RYR2: variants seen among roughly 807,000 people sequenced by gnomAD.
The protein encoded by RYR2 is cardiac muscle ryanodine receptor-calcium release channel.
RYR2 carries 227 observed loss-of-function variants against 601.1 expected under a neutral mutation model. The ratio of observed to expected loss-of-function variants is 0.38; its 90% CI spans 0.34 to 0.42. The LOEUF is 0.42. RYR2 is among the 10% of genes least tolerant of loss of function. The pLI is 1.00. For missense variants in RYR2, 4,646 were observed against 6,156.5 expected (o/e 0.75, Z 8.21); for synonymous variants, 2,223 against 2,175.1 (o/e 1.02, Z -0.61).
At chr1:237,402,903 T>TG (rs1703512662) in intron 10 of RYR2, among the ~76,000 whole-genome samples, 7 of 149,038 alleles carry the variant, frequency 4.7e-5, no homozygotes, top group South Asian at 2.1e-4. Context: ...TGCTTCAGCC[T>TG]CCTGTCTCCA....
chr1:237,402,541 A>G (rs1161391205), intron 10 of RYR2, among the ~76,000 whole-genome samples: 1 of 152,236 alleles, frequency 6.6e-6, no homozygotes, highest in Non-Finnish European at 1.5e-5. Context: ...CAATGGATAG[A>G]TTTAATATCA....
intron 96 of RYR2, among the ~76,000 whole-genome samples, chr1:237,795,873 T>TATATGTATATGTATATATATATATATAC (rs140571706): frequency 2.8e-5 from 4 of 140,910 alleles, no homozygotes; most frequent in East Asian, 2.1e-4. Context: ...TATATATATA[T>TATATGTATATGTATATATATATATATAC]ACACATATAT....
intron 29 of RYR2, among the ~76,000 whole-genome samples, chr1:237,581,244 G>A (rs1673888422): frequency 6.6e-6 from 1 of 152,170 alleles, no homozygotes; most frequent in African/African-American, 2.4e-5. Context: ...CGTATCTTGT[G>A]TTGTCCATTT....
At chr1:237,044,132 T>A (rs1013030766) in intron 1 of RYR2, among the ~76,000 whole-genome samples, 3 of 152,178 alleles carry the variant, frequency 2.0e-5, no homozygotes, top group African/African-American at 7.2e-5. Context: ...GGTCACGGTG[T>A]ATAAACCTGC....
chr1:237,527,098 G>C (rs1325171912), intron 24 of RYR2, among the ~76,000 whole-genome samples: 1 of 152,138 alleles, frequency 6.6e-6, no homozygotes, highest in East Asian at 1.9e-4. Flanking sequence ...CTTTGTCAAA[G>C]ATCAGTTGGT....
Position 237,348,018 on chromosome 1 carries a change from G to A in RYR2, c.274-7947G>A, listed in dbSNP as rs570364582. On this transcript the variant is annotated intron_variant, in intron 3 of 104. Transcript: ENST00000366574. Reference sequence around the variant, plus strand: ...TTTGGGCAGAGATTAAGGCAGAGGAGCCTGCAAAGTTTATGTAATCTCTGG... The same window carrying A: ...TTTGGGCAGAGATTAAGGCAGAGGAACCTGCAAAGTTTATGTAATCTCTGG... Among the ~76,000 whole-genome samples, 10 of 152,290 alleles carry A rather than the reference G, an allele frequency of 6.6e-5. No individual in the cohort carries two copies. In the South Asian group the frequency reaches 2.1e-3, roughly 32 times the overall value.
chr1:237,219,489 C>A (rs919026922), intron 1 of RYR2, among the ~76,000 whole-genome samples: 10 of 152,138 alleles, frequency 6.6e-5, no homozygotes, highest in Non-Finnish European at 1.2e-4. Context: ...CCGGAGACGT[C>A]TACTTAAGTC....
intron 63 of RYR2, among the ~76,000 whole-genome samples, chr1:237,687,718 G>A (rs906382310): frequency 2.6e-5 from 4 of 152,076 alleles, no homozygotes; most frequent in African/African-American, 9.7e-5. Context: ...CTAGTCCAAA[G>A]CATAACTGAA....
chr1:237,237,487 T>C (rs574712874), intron 1 of RYR2, among the ~76,000 whole-genome samples: 8 of 152,284 alleles, frequency 5.3e-5, no homozygotes, highest in Admixed American at 4.6e-4. Context: ...TACACTCTCC[T>C]CCCTTTGGAA....
chr1:237,375,754 T>C (rs1221508451), intron 7 of RYR2, among the ~76,000 whole-genome samples: 1 of 152,204 alleles, frequency 6.6e-6, no homozygotes, highest in East Asian at 1.9e-4. Context: ...GTATTTTTGC[T>C]AGTTTTTTAG....
chr1:237,278,195 C>T (rs1398189172), intron 2 of RYR2, among the ~76,000 whole-genome samples: 1 of 150,892 alleles, frequency 6.6e-6, no homozygotes, highest in Non-Finnish European at 1.5e-5. Flanking sequence ...CTCAGCCTTC[C>T]AGGTATCTAC....
intron 17 of RYR2, among the ~76,000 whole-genome samples, chr1:237,470,477 A>T (rs1231822071): frequency 6.6e-6 from 1 of 152,118 alleles, no homozygotes; most frequent in Non-Finnish European, 1.5e-5. Flanking sequence ...GGAGGACAAA[A>T]ATTTGAGTCA....
chr1:237,829,913 G>T (rs888307478), intron 102 of RYR2: 1 of 152,350 alleles, frequency 6.6e-6, no homozygotes, highest in Non-Finnish European at 1.5e-5. Context: ...GAGAGGCGTG[G>T]TCCAGAGAAG....
Position 237,707,027 on chromosome 1 carries a change from A to C in RYR2, c.9659A>C (p.Glu3220Ala). 1 of 1,613,932 alleles carries C rather than the reference A, an allele frequency of 6.2e-7. No individual in the cohort carries two copies. Among genetic ancestry groups the C allele is most frequent in the Non-Finnish European group, 8.5e-7 (1 of 1,179,846 alleles). ...GAGAAACTCATGGAAGAAATCGTGG[A>C]ATTAGCCGAGTCCGGCATTCGCTAC... The part of the protein sequence containing the change: ...SLEKLMEEIV[E>A]LAESGIRYTQ... The change falls in exon 68 of 105, where the codon GAA becomes GCA. Residue 3220 changes from glutamate to alanine, a missense_variant. Coordinates refer to ENST00000366574, the MANE Select transcript of RYR2 (RefSeq NM_001035.3).
chr1:237,291,388 A>G (rs1692172392), intron 2 of RYR2, among the ~76,000 whole-genome samples: 1 of 152,156 alleles, frequency 6.6e-6, no homozygotes, highest in Admixed American at 6.5e-5. Flanking sequence ...AGTTATTTTC[A>G]TAGCTAAACA....
intron 27 of RYR2, among the ~76,000 whole-genome samples, chr1:237,558,312 G>A (rs1270190168): frequency 1.3e-5 from 2 of 152,204 alleles, no homozygotes; most frequent in East Asian, 3.9e-4. Context: ...ATTTTCCTAA[G>A]GAGTAGAAGT....
At chr1:237,370,951 C>T (rs548828210) in intron 6 of RYR2, among the ~76,000 whole-genome samples, 110 of 151,026 alleles carry the variant, frequency 7.3e-4, no homozygotes, top group African/African-American at 2.6e-3. Context: ...TGAGCCACCG[C>T]GCCCGGCCTC....
At chr1:237,663,182 T>C (rs563418151) in intron 56 of RYR2, among the ~76,000 whole-genome samples, 123 of 152,378 alleles carry the variant, frequency 8.1e-4, no homozygotes, top group African/African-American at 2.9e-3. Context: ...CCAATATTAT[T>C]TGAAATATTA....
At chr1:237,193,843 A>G (rs1189598577) in intron 1 of RYR2, among the ~76,000 whole-genome samples, 3 of 151,928 alleles carry the variant, frequency 2.0e-5, no homozygotes, top group Non-Finnish European at 4.4e-5. Flanking sequence ...AGAAGAATGT[A>G]TTTGTTACAT....
Sources: allele counts gnomAD v4.1 joint callset (sites outside exome capture counted in the v4.1 genomes callset), GRCh38; gene constraint gnomAD v4.1.1; transcripts MANE v1.5; gene names NCBI Gene and HGNC (gene_info 2026-07-23, HGNC 2026-07-21).